The following HIVEP3 variants were observed in gnomAD, a reference collection of about 807,000 sequenced individuals.
HIVEP3 encodes HIVEP zinc finger 3, also known as transcription factor HIVEP3.
In HIVEP3, 49 loss-of-function variants were observed where a neutral mutation model predicts 152.8. That is an observed-to-expected ratio of 0.32 (90% CI 0.26 to 0.41). HIVEP3 has a LOEUF of 0.41. Ranked by LOEUF, HIVEP3 falls within the 10% of genes least tolerant of loss-of-function variation. The pLI, the probability that HIVEP3 is intolerant of heterozygous loss-of-function variation, is 1.00. For synonymous variants in HIVEP3, 1,269 were observed against 1,289.0 expected (o/e 0.98, Z 0.33); for missense variants, 2,790 against 3,103.3 (o/e 0.90, Z 2.40).
At chr1:42,017,327 T>A (rs148334827) in intron 1 of HIVEP3, among the ~76,000 whole-genome samples, 199 of 152,272 alleles carry the variant, frequency 1.3e-3, no homozygotes, top group African/African-American at 4.5e-3. Flanking sequence ...TAATGAAGTA[T>A]AAGATACATA....
chr1:41,665,264 T>C (rs565456488), intron 2 of HIVEP3, among the ~76,000 whole-genome samples: 9 of 152,302 alleles, frequency 5.9e-5, no homozygotes, highest in Admixed American at 5.9e-4. Flanking sequence ...AGACCAGGCC[T>C]CCACCAGTCT....
At chr1:41,523,565 G>T (rs1642820531) in intron 6 of HIVEP3, among the ~76,000 whole-genome samples, 1 of 152,126 alleles carries the variant, frequency 6.6e-6, no homozygotes, top group South Asian at 2.1e-4. Context: ...TGATAAACTG[G>T]CCCCTGACCT....
At chr1:41,686,137 T>G (rs146489815) in intron 2 of HIVEP3, among the ~76,000 whole-genome samples, 294 of 152,276 alleles carry the variant, frequency 1.9e-3, no homozygotes, top group African/African-American at 6.6e-3. Flanking sequence ...AGTGGTGCAA[T>G]CTCAGCCCAC....
chr1:41,780,058 C>A (rs1648950960), intron 1 of HIVEP3, among the ~76,000 whole-genome samples: 1 of 152,208 alleles, frequency 6.6e-6, no homozygotes, highest in Non-Finnish European at 1.5e-5. Flanking sequence ...GGACAGGCAG[C>A]TTCACTGATG....
intron 1 of HIVEP3, among the ~76,000 whole-genome samples, chr1:41,875,070 A>T (rs1454495627): frequency 6.6e-6 from 1 of 152,216 alleles, no homozygotes; most frequent in Non-Finnish European, 1.5e-5. Flanking sequence ...AACAGCAAAT[A>T]GGCTTCTGCC....
Position 41,893,828 on chromosome 1 carries a change from CAT to C in HIVEP3, c.-801+24583_-801+24584del, listed in dbSNP as rs375223214. ...TATTTATATATAATACATTATATAA[CAT>C]ATAATATATATTATATATGAATATG... is the stretch of plus-strand genomic sequence containing the variant. On this transcript the variant is annotated intron_variant, in intron 1 of 8. Coordinates refer to ENST00000372583, the MANE Select transcript of HIVEP3 (RefSeq NM_024503.5). Among the ~76,000 whole-genome samples the C allele has an allele frequency of 2.0e-3, 285 of 144,946 alleles. 2 individuals are homozygous for C. The highest frequency in any genetic ancestry group is 5.4e-3 in the South Asian group (25 of 4,668).
At chr1:41,809,466 A>G (rs1265762503) in intron 1 of HIVEP3, among the ~76,000 whole-genome samples, 1 of 152,180 alleles carries the variant, frequency 6.6e-6, no homozygotes, top group African/African-American at 2.4e-5. Context: ...GATTCTTCCA[A>G]TGCATTGAAC....
chr1:41,950,165 C>T (rs1645098130), intron 1 of HIVEP3, among the ~76,000 whole-genome samples: 1 of 152,154 alleles, frequency 6.6e-6, no homozygotes, highest in African/African-American at 2.4e-5. Flanking sequence ...GTAAAGAAAG[C>T]TAGTCATCTA....
chr1:41,544,828 CCA>C (rs1558046152), intron 5 of HIVEP3, among the ~76,000 whole-genome samples: 7 of 87,768 alleles, frequency 8.0e-5, no homozygotes, highest in Non-Finnish European at 1.1e-4. Context: ...TCTACCACCA[CCA>C]TCACCACCAC....
chr1:41,862,102 C>T (rs934708890), intron 1 of HIVEP3, among the ~76,000 whole-genome samples: 2 of 152,108 alleles, frequency 1.3e-5, no homozygotes, highest in African/African-American at 4.8e-5. Flanking sequence ...AGCAGCTTTA[C>T]AAGAACTTAA....
chr1:41,764,314 G>A (rs919069989), intron 1 of HIVEP3, among the ~76,000 whole-genome samples: 5 of 152,330 alleles, frequency 3.3e-5, no homozygotes, highest in African/African-American at 7.2e-5. Flanking sequence ...GCCCAGGCAG[G>A]AGGGCCTGAA....
chr1:41,690,641 G>A (rs570678130), intron 2 of HIVEP3, among the ~76,000 whole-genome samples: 45 of 152,320 alleles, frequency 3.0e-4, no homozygotes, highest in African/African-American at 9.9e-4. Flanking sequence ...ATTCTGGCCC[G>A]GCACGGTGGC....
Position 41,715,424 on chromosome 1 carries a change from G to A in HIVEP3, c.-800-14429C>T, listed in dbSNP as rs112992765. ...CCCAGGCGACCTGAAGGGGACCCAC[G>A]GCAAGCCTGGGGAGGGTGGGAAGAT... On this transcript the variant is annotated intron_variant, in intron 1 of 8. Coordinates refer to ENST00000372583, the MANE Select transcript of HIVEP3 (RefSeq NM_024503.5). 1.9e-3 allele frequency among the ~76,000 whole-genome samples: 290 copies of A among 152,262 alleles called. 2 individuals carry two copies. The highest frequency in any genetic ancestry group is 6.4e-3 in the African/African-American group (264 of 41,544).
chr1:41,703,196 C>T (rs1646388265), intron 1 of HIVEP3, among the ~76,000 whole-genome samples: 1 of 152,248 alleles, frequency 6.6e-6, no homozygotes, highest in Non-Finnish European at 1.5e-5. Flanking sequence ...GACCAAGGCT[C>T]TGCTCATGAT....
chr1:41,593,519 C>G (rs1476367470), intron 3 of HIVEP3, among the ~76,000 whole-genome samples: 1 of 152,168 alleles, frequency 6.6e-6, no homozygotes, highest in Non-Finnish European at 1.5e-5. Context: ...ATATCACAGG[C>G]TAACCTCCTA....
In HIVEP3 at chr1:41,667,866, G is replaced by GC. The variant is rs565648220; in HGVS notation, c.-721+33049dup. On this transcript the variant is annotated intron_variant, in intron 2 of 8. Transcript: ENST00000372583. ...TATGTATTAGTCACTCAATAAAGAAGCCCCCCCCAAGCCCCCCAACTCAAG... is the reference window on the plus strand; with the variant it reads ...TATGTATTAGTCACTCAATAAAGAAGCCCCCCCCCAAGCCCCCCAACTCAAG... Among the ~76,000 whole-genome samples the GC allele has an allele frequency of 4.4e-4, 67 of 151,776 alleles. 1 individual carries two copies. The highest frequency in any genetic ancestry group is 1.1e-3 in the African/African-American group (46 of 41,356).
chr1:41,660,940 C>T (rs1645702334), intron 2 of HIVEP3, among the ~76,000 whole-genome samples: 1 of 152,182 alleles, frequency 6.6e-6, no homozygotes, highest in African/African-American at 2.4e-5. Context: ...ACACAGGACA[C>T]TTATTAATGA....
At chr1:41,875,348 A>G (rs977273372) in intron 1 of HIVEP3, among the ~76,000 whole-genome samples, 15 of 152,140 alleles carry the variant, frequency 9.9e-5, no homozygotes, top group African/African-American at 3.4e-4. Context: ...CCAGCTCCCC[A>G]TCCATCCTGC....
chr1:42,016,019 G>A (rs1405756036), intron 1 of HIVEP3, among the ~76,000 whole-genome samples: 1 of 152,220 alleles, frequency 6.6e-6, no homozygotes, highest in African/African-American at 2.4e-5. Flanking sequence ...GGGTAAAAGG[G>A]GCCTTTGGCT....
Sources: allele counts gnomAD v4.1 joint callset (sites outside exome capture counted in the v4.1 genomes callset), GRCh38; gene constraint gnomAD v4.1.1; transcripts MANE v1.5; gene names NCBI Gene and HGNC (gene_info 2026-07-23, HGNC 2026-07-21).